MYOM1: variants seen among roughly 807,000 people sequenced by gnomAD.
MYOM1 encodes the protein myomesin-1.
MYOM1 carries 164 observed loss-of-function variants against 205.3 expected under a neutral mutation model. The ratio of observed to expected loss-of-function variants is 0.80; its 90% CI spans 0.70 to 0.91. The LOEUF (loss-of-function observed/expected upper bound fraction) is 0.91. MYOM1 is among the 40% of genes least tolerant of loss of function. MYOM1 has a pLI of 0.00. For synonymous variants in MYOM1, 772 were observed against 789.4 expected, an observed-to-expected ratio of 0.98 and a Z score of 0.37; for missense variants, 2,011 against 2,127.3, an observed-to-expected ratio of 0.95 and a Z score of 1.08.
Position 3,200,909 on chromosome 18 carries a change from GA to G in MYOM1, c.291-6952del, listed in dbSNP as rs376339064. Among the ~76,000 whole-genome samples the G allele has an allele frequency of 1.5e-3, 235 of 152,212 alleles. 2 individuals are homozygous for G. In the South Asian group the frequency reaches 0.016, roughly 10 times the overall value. ...CAAAAAACCCAAGTAGAATAACACAGAAAAAGATACTTAGACCTGGAAATAT... is the reference window on the plus strand; with the variant it reads ...CAAAAAACCCAAGTAGAATAACACAGAAAAGATACTTAGACCTGGAAATAT... On this transcript the variant is annotated intron_variant, in intron 2 of 37. Transcript: ENST00000356443.
intron 1 of MYOM1, chr18:3,216,963 C>T (rs1031772576): frequency 1.3e-5 from 2 of 152,060 alleles, no homozygotes; most frequent in African/African-American, 4.8e-5. Context: ...TAGGATGGGC[C>T]GTAATTCTAT....
intron 5 of MYOM1, among the ~76,000 whole-genome samples, chr18:3,178,363 G>A (rs539156985): frequency 1.7e-4 from 26 of 152,328 alleles, no homozygotes; most frequent in Admixed American, 3.3e-4. Context: ...CACACAGCCA[G>A]GAACAGCAGA....
chr18:3,230,822 T>C, the MYOM1 span, among the ~76,000 whole-genome samples: 1 of 152,226 alleles, frequency 6.6e-6, no homozygotes, highest in African/African-American at 2.4e-5. Context: ...TCTGCTTTTG[T>C]TGCATCATTC....
intron 10 of MYOM1, among the ~76,000 whole-genome samples, chr18:3,161,540 C>T (rs2080391434): frequency 2.6e-5 from 4 of 152,368 alleles, no homozygotes; most frequent in South Asian, 2.1e-4. Flanking sequence ...TGCCCCTCCA[C>T]TCCCTTTCTT....
chr18:3,187,654 G>A lies in MYOM1; in HGVS notation c.772-17C>T. 1 of 1,566,270 alleles carries A rather than the reference G, an allele frequency of 6.4e-7. No individual in the cohort carries two copies. The highest frequency in any genetic ancestry group is 1.2e-5 in the South Asian group (1 of 85,838). ...TTCTTCTAACTGAAAAAACAAATAT[G>A]CAAACAAACATATTACCAAAATACC... On this transcript the variant is annotated splice_polypyrimidine_tract_variant and intron_variant, in intron 4 of 37. Transcript: ENST00000356443.
At chr18:3,165,909 T>C (rs2080460853) in intron 9 of MYOM1, among the ~76,000 whole-genome samples, 1 of 152,202 alleles carries the variant, frequency 6.6e-6, no homozygotes, top group African/African-American at 2.4e-5. Context: ...TGGAATGCCA[T>C]GGTGCCACAG....
chr18:3,171,143 G>T lies in MYOM1; in HGVS notation c.1175-2162C>A, dbSNP rs146173480. Reference sequence around the variant, plus strand: ...TCCCCTGCAGAGCCAGATTTGCACCGGCTGGCCGTTTCTGTGCTCTTGGCC... The same window carrying T: ...TCCCCTGCAGAGCCAGATTTGCACCTGCTGGCCGTTTCTGTGCTCTTGGCC... On this transcript the variant is annotated intron_variant, in intron 8 of 37. Transcript: ENST00000356443. 5.9e-5 allele frequency among the ~76,000 whole-genome samples: 9 copies of T among 152,272 alleles called. No individual in the cohort carries two copies. The East Asian group carries it at 1.5e-3, about 26-fold the overall frequency.
At chr18:3,200,360 G>A (rs1220781514) in intron 2 of MYOM1, among the ~76,000 whole-genome samples, 1 of 152,150 alleles carries the variant, frequency 6.6e-6, no homozygotes, top group Non-Finnish European at 1.5e-5. Context: ...CCACACCAAT[G>A]GGAAAATAGT....
chr18:3,165,869 G>C (rs1236932900), intron 9 of MYOM1, among the ~76,000 whole-genome samples: 4 of 152,136 alleles, frequency 2.6e-5, no homozygotes, highest in African/African-American at 9.7e-5. Context: ...ATTCCAGTCT[G>C]GCCTTAGGTC....
rs979596587 is a variant in MYOM1 at position 3,180,002 on chromosome 18, A to G, written c.930-3868T>C. Among the ~76,000 whole-genome samples the G allele has an allele frequency of 2.6e-5, 4 of 152,150 alleles. No homozygotes were observed. In the South Asian group the frequency reaches 6.2e-4, roughly 24 times the overall value. ...CATATCTCTATAAAATTTTCATTAC[A>G]AAGTATTCTGCAGGTCAGCAGTGGC... On this transcript the variant is annotated intron_variant, in intron 5 of 37. Coordinates refer to ENST00000356443, the MANE Select transcript of MYOM1 (RefSeq NM_003803.4).
intron 36 of MYOM1, among the ~76,000 whole-genome samples, chr18:3,073,707 C>G (rs756763906): frequency 3.9e-5 from 6 of 152,194 alleles, no homozygotes; most frequent in Non-Finnish European, 5.9e-5. Flanking sequence ...TCCGATGCTA[C>G]CTATGGCTTG....
the MYOM1 span, among the ~76,000 whole-genome samples, chr18:3,237,598 CAAAAAAAAAAAA>C: frequency 1.9e-5 from 1 of 53,608 alleles, no homozygotes; most frequent in Non-Finnish European, 3.4e-5. Flanking sequence ...GACTCCGTCT[CAAAAAAAAAAAA>C]AAAAAAAAAA....
At chr18:3,072,350 CTTTTTTT>C (rs78331937) in intron 36 of MYOM1, among the ~76,000 whole-genome samples, 2 of 56,214 alleles carry the variant, frequency 3.6e-5, no homozygotes, top group African/African-American at 9.3e-5. Flanking sequence ...CCGCACCCGG[CTTTTTTT>C]TTTTTTTTTT....
At chr18:3,104,521 T>C (rs139857123) in intron 22 of MYOM1, among the ~76,000 whole-genome samples, 8 of 152,280 alleles carry the variant, frequency 5.3e-5, no homozygotes, top group East Asian at 1.9e-4. Flanking sequence ...TGTGAAAGAT[T>C]TGACTTTTCT....
intron 2 of MYOM1, among the ~76,000 whole-genome samples, chr18:3,205,899 G>T (rs939088959): frequency 6.6e-6 from 1 of 152,086 alleles, no homozygotes; most frequent in African/African-American, 2.4e-5. Context: ...GCAAAATACT[G>T]TGTTTGGCAC....
rs146931747 is a variant in MYOM1 at position 3,189,598 on chromosome 18, G to A, written c.432-511C>T. On this transcript the variant is annotated intron_variant, in intron 3 of 37. Coordinates refer to ENST00000356443, the MANE Select transcript of MYOM1 (RefSeq NM_003803.4). The surrounding 1 kb of genome is among the most constrained non-coding windows in gnomAD (Gnocchi z 4.8). ...TGGTCTCGAATTCCTGACCTGAGGT[G>A]ATCCACCAGCCTTGGCCTCCCAAAG... 6.0e-3 allele frequency among the ~76,000 whole-genome samples: 916 copies of A among 152,286 alleles called. 8 individuals are homozygous for A. The highest frequency in any genetic ancestry group is 0.019 in the African/African-American group (799 of 41,558).
At chr18:3,131,592 A>G in intron 16 of MYOM1, 96 bp from the exon 17 acceptor site, 5 of 1,126,052 alleles carry the variant, frequency 4.4e-6, no homozygotes, top group Non-Finnish European at 6.2e-6. Flanking sequence ...TATGAAAACA[A>G]TTCTTTTTTT....
chr18:3,090,539 T>C (rs1410943212), intron 27 of MYOM1, 119 bp downstream of exon 27: 1 of 1,332,410 alleles, frequency 7.5e-7, no homozygotes, highest in Non-Finnish European at 1.0e-6. Context: ...ATTTTGAACA[T>C]TAGAAGTCAA....
chr18:3,070,251 C>T (rs745808112), intron 37 of MYOM1, among the ~76,000 whole-genome samples: 3 of 152,140 alleles, frequency 2.0e-5, no homozygotes, highest in Non-Finnish European at 2.9e-5. Context: ...TGGGCTCAGG[C>T]GATCCTCCCA....
Sources: gnomAD v4.1 joint callset for allele counts (sites outside exome capture counted in the v4.1 genomes callset) on GRCh38, gnomAD v4.1.1 for gene constraint, Gnocchi (gnomAD v3.1) non-coding constraint, MANE v1.5 for transcripts, NCBI Gene and HGNC (gene_info 2026-07-23, HGNC 2026-07-21) for gene names.